FNDC3B: variants seen among roughly 807,000 people sequenced by gnomAD.
FNDC3B encodes the protein fibronectin type III domain-containing protein 3B.
In FNDC3B, 12 loss-of-function variants were observed where a neutral mutation model predicts 151.5. The ratio of observed to expected loss-of-function variants is 0.08; its 90% CI spans 0.05 to 0.13. The LOEUF (loss-of-function observed/expected upper bound fraction) is 0.13. FNDC3B is among the 10% of genes least tolerant of loss of function. The pLI is 1.00. For missense variants in FNDC3B, 1,214 were observed against 1,505.3 expected, an observed-to-expected ratio of 0.81 and a Z score of 3.20; for synonymous variants, 528 against 549.0, an observed-to-expected ratio of 0.96 and a Z score of 0.54.
At chr3:172,348,363 T>G (rs1214620086) in intron 21 of FNDC3B, among the ~76,000 whole-genome samples, 2 of 152,280 alleles carry the variant, frequency 1.3e-5, no homozygotes. Context: ...CTGCTGTATT[T>G]GAAACATTTC....
intron 25 of FNDC3B, among the ~76,000 whole-genome samples, chr3:172,385,704 A>G (rs760099415): frequency 1.3e-5 from 2 of 151,804 alleles, no homozygotes; most frequent in African/African-American, 4.8e-5. Context: ...GACTACAGGC[A>G]CCCGCCACCA....
intron 6 of FNDC3B, among the ~76,000 whole-genome samples, chr3:172,263,854 G>A (rs1217604121): frequency 1.3e-5 from 2 of 152,156 alleles, no homozygotes; most frequent in African/African-American, 2.4e-5. Context: ...TATTGCATTA[G>A]CATTCCTCTG....
At chr3:172,059,209 C>G (rs1215820386) in intron 1 of FNDC3B, among the ~76,000 whole-genome samples, 1 of 152,052 alleles carries the variant, frequency 6.6e-6, no homozygotes, top group East Asian at 1.9e-4. Context: ...TAGCACGTAA[C>G]ATAATACATA....
chr3:172,074,562 G>C (rs1717920348), intron 1 of FNDC3B, among the ~76,000 whole-genome samples: 2 of 152,206 alleles, frequency 1.3e-5, no homozygotes, highest in Admixed American at 1.3e-4. Flanking sequence ...GTGACTTAAA[G>C]AATCTTGTCT....
At chr3:172,341,049 G>A in intron 16 of FNDC3B, 64 bp from the exon 17 acceptor site, 1 of 1,054,332 alleles carries the variant, frequency 9.5e-7, no homozygotes, top group Non-Finnish European at 1.5e-6. Flanking sequence ...TTTCTTGTCA[G>A]CAATGGCTGA....
intron 25 of FNDC3B, among the ~76,000 whole-genome samples, chr3:172,382,682 A>G (rs1400466164): frequency 1.1e-4 from 17 of 152,306 alleles, no homozygotes; most frequent in Non-Finnish European, 2.9e-5. Context: ...AGTTTTCTGT[A>G]TATAGCTAGC....
intron 22 of FNDC3B, among the ~76,000 whole-genome samples, chr3:172,360,925 T>G (rs1357530280): frequency 6.6e-6 from 1 of 152,230 alleles, no homozygotes; most frequent in Non-Finnish European, 1.5e-5. Flanking sequence ...TCCTTTGCCT[T>G]TCCACATCAC....
intron 25 of FNDC3B, among the ~76,000 whole-genome samples, chr3:172,392,204 G>A (rs910579084): frequency 6.6e-6 from 1 of 152,068 alleles, no homozygotes; most frequent in Non-Finnish European, 1.5e-5. Context: ...GACCGTAAGG[G>A]GTTTGCTTAC....
intron 9 of FNDC3B, 135 bp from the exon 10 acceptor site, chr3:172,307,228 A>G (rs1277687315): frequency 2.3e-6 from 2 of 880,760 alleles, no homozygotes; most frequent in Non-Finnish European, 3.6e-6. Flanking sequence ...AGACCAACAG[A>G]TAAGAGCAAG....
chr3:172,057,136 G>A (rs920922092), intron 1 of FNDC3B, among the ~76,000 whole-genome samples: 3 of 152,166 alleles, frequency 2.0e-5, no homozygotes, highest in Non-Finnish European at 2.9e-5. Context: ...TGTAATAAAG[G>A]GGAGTCACTC....
At chr3:172,389,896 T>G (rs1209933518) in intron 25 of FNDC3B, among the ~76,000 whole-genome samples, 1 of 152,150 alleles carries the variant, frequency 6.6e-6, no homozygotes, top group Non-Finnish European at 1.5e-5. Context: ...GTGCATAAAA[T>G]ATACTAGAAA....
intron 3 of FNDC3B, among the ~76,000 whole-genome samples, chr3:172,178,947 A>G (rs1560003757): frequency 6.6e-6 from 1 of 152,222 alleles, no homozygotes. Flanking sequence ...TATGAATACC[A>G]TATTGACTAG....
intron 6 of FNDC3B, among the ~76,000 whole-genome samples, chr3:172,281,066 G>A (rs1349288552): frequency 1.3e-5 from 2 of 151,706 alleles, no homozygotes; most frequent in East Asian, 1.9e-4. Flanking sequence ...CAGATAGGCT[G>A]GTTCTCAGCT....
At chr3:172,337,514 T>A in intron 16 of FNDC3B, 113 bp downstream of exon 16, 4 of 732,996 alleles carry the variant, frequency 5.5e-6, no homozygotes, top group Non-Finnish European at 9.3e-6. Flanking sequence ...GATAGAATTA[T>A]TATTACAATA....
intron 13 of FNDC3B, among the ~76,000 whole-genome samples, chr3:172,331,543 G>A (rs531623098): frequency 2.0e-5 from 3 of 152,118 alleles, no homozygotes; most frequent in African/African-American, 7.2e-5. Context: ...TGTATTTTTA[G>A]TAGAGATGGG....
chr3:172,263,878 T>C (rs1187184118), intron 6 of FNDC3B, among the ~76,000 whole-genome samples: 1 of 152,178 alleles, frequency 6.6e-6, no homozygotes, highest in Non-Finnish European at 1.5e-5. Context: ...AAAGATGATC[T>C]TTTAGGTAGT....
chr3:172,164,566 A>G (rs1244783069), intron 3 of FNDC3B, among the ~76,000 whole-genome samples: 1 of 152,220 alleles, frequency 6.6e-6, no homozygotes, highest in African/African-American at 2.4e-5. Context: ...TAGTAATGTA[A>G]AACAAATCTT....
intron 1 of FNDC3B, among the ~76,000 whole-genome samples, chr3:172,067,758 T>G (rs1717569901): frequency 6.6e-6 from 1 of 152,156 alleles, no homozygotes; most frequent in Non-Finnish European, 1.5e-5. Flanking sequence ...GGATTTGTGG[T>G]CCAAGAGTTA....
chr3:172,089,531 G>C (rs901784053), intron 1 of FNDC3B, among the ~76,000 whole-genome samples: 2 of 152,122 alleles, frequency 1.3e-5, no homozygotes, highest in African/African-American at 4.8e-5. Flanking sequence ...TGCACAAATC[G>C]AATGTAGGGT....
Sources: gnomAD v4.1 joint callset for allele counts (sites outside exome capture counted in the v4.1 genomes callset) on GRCh38, gnomAD v4.1.1 for gene constraint, MANE v1.5 for transcripts, NCBI Gene and HGNC (gene_info 2026-07-23, HGNC 2026-07-21) for gene names.